VPS13B: variants seen among roughly 807,000 people sequenced by gnomAD.
The protein encoded by VPS13B is intermembrane lipid transfer protein VPS13B.
Under a neutral mutation model 426.4 loss-of-function variants are expected in VPS13B, and 285 were observed. The observed-to-expected ratio is 0.67, with a 90% CI of 0.61 to 0.74. VPS13B has a LOEUF of 0.74. Ranked by LOEUF, VPS13B falls within the 30% of genes least tolerant of loss-of-function variation. The pLI, the probability that VPS13B is intolerant of heterozygous loss-of-function variation, is 0.00. For synonymous variants in VPS13B, 1,676 were observed against 1,676.4 expected, an observed-to-expected ratio of 1.00 and a Z score of 0.01; for missense variants, 4,537 against 4,782.6, an observed-to-expected ratio of 0.95 and a Z score of 1.51.
chr8:99,867,432 G>A (rs1215885856), intron 58 of VPS13B, among the ~76,000 whole-genome samples: 3 of 152,192 alleles, frequency 2.0e-5, no homozygotes, highest in African/African-American at 7.2e-5. Context: ...GCTCCAAGGG[G>A]TTTTGGTCGC....
chr8:99,838,537 C>G (rs1717509835), intron 54 of VPS13B, among the ~76,000 whole-genome samples: 1 of 152,226 alleles, frequency 6.6e-6, no homozygotes, highest in African/African-American at 2.4e-5. Context: ...TTCATTCATT[C>G]AGTCAACAAA....
At chr8:99,281,293 G>A (rs773745271) in intron 19 of VPS13B, among the ~76,000 whole-genome samples, 15 of 152,174 alleles carry the variant, frequency 9.9e-5, no homozygotes, top group Non-Finnish European at 1.9e-4. Context: ...AACAGGCCAC[G>A]GACTAGTACA....
chr8:99,591,721 G>T (rs1826687805), intron 33 of VPS13B, among the ~76,000 whole-genome samples: 1 of 152,146 alleles, frequency 6.6e-6, no homozygotes, highest in Admixed American at 6.6e-5. Flanking sequence ...CAAGAGATCA[G>T]CTGTTAGTCT....
intron 19 of VPS13B, among the ~76,000 whole-genome samples, chr8:99,311,474 G>A (rs890440938): frequency 1.3e-5 from 2 of 152,196 alleles, no homozygotes; most frequent in African/African-American, 4.8e-5. Context: ...ATGTAGTTGA[G>A]TGGTTCTGAG....
intron 8 of VPS13B, among the ~76,000 whole-genome samples, chr8:99,122,354 T>C (rs535108823): frequency 6.6e-6 from 1 of 152,088 alleles, no homozygotes; most frequent in African/African-American, 2.4e-5. Flanking sequence ...AAAATATATA[T>C]GATATATACA....
chr8:99,110,358 G>C (rs1847295735), intron 5 of VPS13B, among the ~76,000 whole-genome samples: 1 of 151,920 alleles, frequency 6.6e-6, no homozygotes, highest in South Asian at 2.1e-4. Context: ...TTTGCTAAAG[G>C]CTTCATTTCA....
intron 19 of VPS13B, among the ~76,000 whole-genome samples, chr8:99,308,396 T>A (rs1820755319): frequency 6.6e-6 from 1 of 152,186 alleles, no homozygotes; most frequent in East Asian, 1.9e-4. Context: ...GTTCTCATTG[T>A]TCAATTCCCA....
At chr8:99,467,740 T>A in intron 24 of VPS13B, 106 bp downstream of exon 24, 1 of 1,211,262 alleles carries the variant, frequency 8.3e-7, no homozygotes, top group Non-Finnish European at 1.2e-6. Context: ...TCCTAAATTA[T>A]TTTTAACTTG....
chr8:99,152,444 T>A (rs1003913507), intron 14 of VPS13B, among the ~76,000 whole-genome samples: 1 of 152,210 alleles, frequency 6.6e-6, no homozygotes, highest in South Asian at 2.1e-4. Flanking sequence ...ATGTTCTATG[T>A]AAGCTTTAGA....
chr8:99,726,051 C>T (rs1452721034), intron 39 of VPS13B, among the ~76,000 whole-genome samples: 1 of 152,186 alleles, frequency 6.6e-6, no homozygotes, highest in Non-Finnish European at 1.5e-5. Context: ...TTATATTCCT[C>T]ATTCCATGAT....
At chr8:99,036,348 AT>A (rs1393118193) in intron 2 of VPS13B, among the ~76,000 whole-genome samples, 3 of 152,164 alleles carry the variant, frequency 2.0e-5, no homozygotes, top group Non-Finnish European at 4.4e-5. Flanking sequence ...TACATGATGT[AT>A]TAACTAAAAG....
chr8:99,054,201 A>G lies in VPS13B; in HGVS notation c.291+15635A>G, dbSNP rs534073032. ...TTTTGCATATATACTGAGAAGTAGA[A>G]TTGCTGGATCATATAGTAATTCTGT... On this transcript the variant is annotated intron_variant, in intron 3 of 61. Transcript: ENST00000357162. Among the ~76,000 whole-genome samples the G allele has an allele frequency of 9.8e-5, 15 of 152,302 alleles. No homozygotes were observed. The South Asian group carries it at 1.4e-3, about 15-fold the overall frequency.
chr8:99,411,316 T>TG (rs1815649660), intron 21 of VPS13B, among the ~76,000 whole-genome samples: 2 of 152,236 alleles, frequency 1.3e-5, no homozygotes, highest in Non-Finnish European at 2.9e-5. Flanking sequence ...TGACCAGTGA[T>TG]GATGAGCTTT....
rs778524535 is a variant in VPS13B at position 99,511,491 on chromosome 8, G to A, written c.4612G>A (p.Glu1538Lys). ...CAGAATTTTTATTCCAAAAACAGAA[G>A]AAATGCAGCCAACTGTTGAAGGTAT... ...VIRIFIPKTE[E>K]MQPTVEANQA... is the part of the protein sequence containing the mutation. Residue 1538 changes from glutamate to lysine, a missense_variant, in exon 29 of 62, where the codon GAA becomes AAA. Physicochemically the swap from Glu to Lys is moderately conservative, Grantham distance 56 (BLOSUM62 1). This residue lies in a region of VPS13B where 4,311 missense variants were observed against 4,474.3 expected (regional missense o/e 0.96). Coordinates refer to ENST00000357162, the MANE Select transcript of VPS13B (RefSeq NM_152564.5). 3.3e-5 allele frequency: 53 copies of A among 1,612,270 alleles called. No homozygotes were observed. The highest frequency in any genetic ancestry group is 4.2e-5 in the Non-Finnish European group (49 of 1,179,682).
chr8:99,287,353 A>G (rs906911802), intron 19 of VPS13B, among the ~76,000 whole-genome samples: 3 of 151,558 alleles, frequency 2.0e-5, no homozygotes, highest in Non-Finnish European at 4.4e-5. Context: ...GATATGATCT[A>G]TGATAGATGG....
chr8:99,280,331 C>T (rs1242500647), intron 19 of VPS13B, among the ~76,000 whole-genome samples: 5 of 152,266 alleles, frequency 3.3e-5, no homozygotes, highest in Admixed American at 6.5e-5. Flanking sequence ...TACTCCCTCC[C>T]AAGCCACTCA....
chr8:99,719,579 TA>T (rs1833056361), intron 37 of VPS13B, among the ~76,000 whole-genome samples: 1 of 152,238 alleles, frequency 6.6e-6, no homozygotes, highest in Admixed American at 6.5e-5. Flanking sequence ...TTAGAATTGA[TA>T]GTTGTATTGC....
intron 25 of VPS13B, among the ~76,000 whole-genome samples, chr8:99,492,416 C>T (rs1218964063): frequency 6.6e-6 from 1 of 152,220 alleles, no homozygotes; most frequent in Non-Finnish European, 1.5e-5. Context: ...CAGACAGGGA[C>T]GTTTAAGCCT....
chr8:99,445,039 G>C (rs1353927393), intron 23 of VPS13B, among the ~76,000 whole-genome samples: 1 of 151,750 alleles, frequency 6.6e-6, no homozygotes, highest in African/African-American at 2.4e-5. Context: ...GGCTGGTCTC[G>C]AACTCCTGAC....
Sources: allele counts gnomAD v4.1 joint callset (sites outside exome capture counted in the v4.1 genomes callset), GRCh38; gene constraint gnomAD v4.1.1; regional missense constraint gnomAD v4.1.1; transcripts MANE v1.5; gene names NCBI Gene and HGNC (gene_info 2026-07-23, HGNC 2026-07-21).